Variants in GPAT3 observed in about 807,000 individuals in gnomAD.
GPAT3 encodes the protein glycerol-3-phosphate acyltransferase 3, also known as 1-AGP acyltransferase 9.
In GPAT3, 53 loss-of-function variants were observed where a neutral mutation model predicts 58.8. The observed-to-expected ratio is 0.90, with a 90% CI of 0.72 to 1.13. GPAT3 has a LOEUF of 1.13. GPAT3 is among the 50% of genes most tolerant of loss of function. The pLI is 0.00. For synonymous variants in GPAT3, 197 were observed against 187.4 expected, an observed-to-expected ratio of 1.05 and a Z score of -0.42; for missense variants, 511 against 527.6, an observed-to-expected ratio of 0.97 and a Z score of 0.31.
chr4:83,582,081 G>A (rs1467849917), intron 3 of GPAT3, among the ~76,000 whole-genome samples: 1 of 152,152 alleles, frequency 6.6e-6, no homozygotes, highest in Non-Finnish European at 1.5e-5. Flanking sequence ...TGCTATTAGA[G>A]TCTGAGCTAA....
chr4:83,545,160 A>G (rs1724459461), intron 2 of GPAT3, among the ~76,000 whole-genome samples: 1 of 152,176 alleles, frequency 6.6e-6, no homozygotes, highest in Admixed American at 6.6e-5. Flanking sequence ...AACATGCTTG[A>G]CCAGGTGCAG....
intron 1 of GPAT3, among the ~76,000 whole-genome samples, chr4:83,539,612 T>C (rs1369155705): frequency 6.6e-6 from 1 of 152,226 alleles, no homozygotes; most frequent in African/African-American, 2.4e-5. Context: ...CTTAACCCAC[T>C]GGTTCAAGTA....
chr4:83,564,806 A>C (rs1323044860), intron 2 of GPAT3, among the ~76,000 whole-genome samples: 1 of 152,188 alleles, frequency 6.6e-6, no homozygotes, highest in Non-Finnish European at 1.5e-5. Context: ...CTTACTGTGC[A>C]GACATTTTTC....
Position 83,579,129 on chromosome 4 carries a change from T to TCC in GPAT3, c.209-2433_209-2432insCC, listed in dbSNP as rs1218658470. ...TTCCTTCCTTCCTTCCTTCCTTCCTTTCTTTCTCCCTCCCTCCCTCTCTCT... is the reference window on the plus strand; with the variant it reads ...TTCCTTCCTTCCTTCCTTCCTTCCTTCCTCTTTCTCCCTCCCTCCCTCTCTCT... On this transcript the variant is annotated intron_variant, in intron 2 of 11. Transcript: ENST00000264409. 9.7e-4 allele frequency among the ~76,000 whole-genome samples: 104 copies of TCC among 107,454 alleles called. 7 individuals carry two copies. Among genetic ancestry groups the TCC allele is most frequent in the East Asian group, 2.8e-3 (8 of 2,896 alleles). 70.5% of individuals were successfully genotyped at this position (107,454 alleles called of 152,430 possible).
intron 11 of GPAT3, among the ~76,000 whole-genome samples, chr4:83,602,886 T>C (rs536674225): frequency 1.3e-5 from 2 of 152,340 alleles, no homozygotes; most frequent in African/African-American, 2.4e-5. Context: ...AACAACAATT[T>C]ATAATCTTGT....
Position 83,598,074 on chromosome 4 carries a change from A to T in GPAT3, c.1020A>T (p.Ala340=), listed in dbSNP as rs1726914018. The T allele has an allele frequency of 6.2e-7, 1 of 1,613,594 alleles. No individual in the cohort carries two copies. Among genetic ancestry groups the T allele is most frequent in the African/African-American group, 1.3e-5 (1 of 74,964 alleles). ...AIKYNPQFGD[A]FWNSSKYNMV... is the part of the protein sequence containing the mutation. The stretch of plus-strand genomic sequence containing the variant: ...AGTATAACCCTCAGTTCGGTGATGC[A>T]TTTTGGAACAGTAGTAAATACAACA... The change falls in exon 10 of 12, where the codon GCA becomes GCT. Residue 340 remains alanine (A), a synonymous_variant. Coordinates refer to ENST00000264409, the MANE Select transcript of GPAT3 (RefSeq NM_032717.5).
intron 2 of GPAT3, among the ~76,000 whole-genome samples, chr4:83,548,906 A>T (rs977459162): frequency 6.6e-6 from 1 of 152,218 alleles, no homozygotes; most frequent in African/African-American, 2.4e-5. Context: ...CAGGTTGCCT[A>T]ACATGGCCCT....
chr4:83,544,694 T>A, intron 2 of GPAT3, 92 bp downstream of exon 2: 1 of 1,221,758 alleles, frequency 8.2e-7, no homozygotes, highest in Non-Finnish European at 1.2e-6. Context: ...CAGAGAGCAG[T>A]GTGTTCTATA....
chr4:83,591,361 A>T (rs1215559518), intron 6 of GPAT3, among the ~76,000 whole-genome samples: 3 of 152,184 alleles, frequency 2.0e-5, no homozygotes, highest in Non-Finnish European at 4.4e-5. Context: ...ACATGGCCAG[A>T]TATATAACTC....
At chr4:83,597,091 A>G (rs773076844) in intron 8 of GPAT3, among the ~76,000 whole-genome samples, 178 bp downstream of exon 8, 1 of 152,180 alleles carries the variant, frequency 6.6e-6, no homozygotes, top group African/African-American at 2.4e-5. Context: ...GATAGAAGTC[A>G]TGTTACCTTT....
At chr4:83,547,013 G>C (rs1724545299) in intron 2 of GPAT3, among the ~76,000 whole-genome samples, 1 of 151,994 alleles carries the variant, frequency 6.6e-6, no homozygotes, top group African/African-American at 2.4e-5. Context: ...CTGATAGAGG[G>C]TGATGATGAA....
chr4:83,537,792 C>T (rs1441996156), intron 1 of GPAT3, among the ~76,000 whole-genome samples: 2 of 151,894 alleles, frequency 1.3e-5, no homozygotes, highest in Non-Finnish European at 2.9e-5. Flanking sequence ...GCCCTGCAGC[C>T]TAGTGGTTAG....
intron 2 of GPAT3, among the ~76,000 whole-genome samples, chr4:83,558,253 T>G (rs1484062480): frequency 6.6e-6 from 1 of 151,784 alleles, no homozygotes; most frequent in East Asian, 1.9e-4. Context: ...TTTTGATGAA[T>G]GAACCATCAG....
intron 2 of GPAT3, among the ~76,000 whole-genome samples, chr4:83,545,926 T>G (rs887966698): frequency 1.3e-5 from 2 of 152,140 alleles, no homozygotes; most frequent in African/African-American, 4.8e-5. Context: ...TTGTGGTACA[T>G]GTTTTGGGCC....
upstream of GPAT3, chr4:83,536,101 C>G: frequency 1.0e-6 from 1 of 985,582 alleles, no homozygotes; most frequent in Middle Eastern, 5.2e-4. Flanking sequence ...GGCGCCCGAG[C>G]GCAGCCAGCT....
chr4:83,536,500 G>A lies in GPAT3; in HGVS notation c.-123G>A, dbSNP rs1205848013. The stretch of plus-strand genomic sequence containing the variant: ...TTTTTTTCCTTCCTCTCTTCCCTTC[G>A]CAGAGGTGAGTGCCGGGCTCGGCGC... On this transcript the variant is annotated 5_prime_UTR_variant, in exon 1 of 12. Coordinates refer to ENST00000264409, the MANE Select transcript of GPAT3 (RefSeq NM_032717.5). The A allele has an allele frequency of 1.3e-5, 20 of 1,490,912 alleles. No individual in the cohort carries two copies. Among genetic ancestry groups the A allele is most frequent in the Non-Finnish European group, 1.7e-5 (19 of 1,125,088 alleles). 92.4% of individuals were successfully genotyped at this position (1,490,912 alleles called of 1,614,324 possible). A position where few individuals can be genotyped will look rare whatever the true frequency, so the allele number is the denominator to read the frequency against.
intron 1 of GPAT3, among the ~76,000 whole-genome samples, chr4:83,537,376 G>A (rs1315056118): frequency 6.6e-6 from 1 of 152,100 alleles, no homozygotes; most frequent in East Asian, 1.9e-4. Context: ...ATCCTGCAAA[G>A]AAAAATGTTA....
rs1185972208 is a variant in GPAT3, at chr4:83,598,691, T to TGCTA, written c.1174_1177dup (p.Ile393SerfsTer8). The TGCTA allele has an allele frequency of 1.2e-6, 2 of 1,601,260 alleles. No individual in the cohort carries two copies. The highest frequency in any genetic ancestry group is 2.7e-5 in the African/African-American group (2 of 73,654). On this transcript the variant is annotated frameshift_variant, in exon 11 of 12. Coordinates refer to ENST00000264409, the MANE Select transcript of GPAT3 (RefSeq NM_032717.5). LOFTEE classifies it high-confidence loss of function. ...TTGCTAACAGGGTTAAGTCTGCTAT[T>TGCTA]GCTATACAAGGAGGCCTGACTGAAC...
chr4:83,577,667 T>C (rs1391135601), intron 2 of GPAT3, among the ~76,000 whole-genome samples: 1 of 152,060 alleles, frequency 6.6e-6, no homozygotes, highest in Non-Finnish European at 1.5e-5. Flanking sequence ...ACCTGGGAAG[T>C]GGAATTGCTA....
Sources: gnomAD v4.1 joint callset for allele counts (sites outside exome capture counted in the v4.1 genomes callset) on GRCh38, gnomAD v4.1.1 for gene constraint, MANE v1.5 for transcripts, NCBI Gene and HGNC (gene_info 2026-07-23, HGNC 2026-07-21) for gene names.